HEATR4: variants seen among roughly 807,000 people sequenced by gnomAD.
The protein encoded by HEATR4 is HEAT repeat containing 4.
In HEATR4, 95 loss-of-function variants were observed where a neutral mutation model predicts 108.8. The observed-to-expected ratio is 0.87, with a 90% CI of 0.74 to 1.04. The LOEUF (loss-of-function observed/expected upper bound fraction) is 1.04, where lower values mean the gene tolerates loss of function less well. Among genes scored for constraint, HEATR4 ranks in the 50% least tolerant of loss-of-function variants. The pLI is 0.00. For synonymous variants in HEATR4, 443 were observed against 459.4 expected (o/e 0.96, Z 0.46); for missense variants, 1,152 against 1,253.8 (o/e 0.92, Z 1.23).
the HEATR4 span, among the ~76,000 whole-genome samples, chr14:73,609,492 A>G: frequency 6.6e-6 from 1 of 152,102 alleles, no homozygotes; most frequent in Non-Finnish European, 1.5e-5. Flanking sequence ...TAGGTCCTCT[A>G]TGAAATTTTT....
chr14:73,486,827 T>C (rs529833514), intron 17 of HEATR4, among the ~76,000 whole-genome samples: 1 of 152,306 alleles, frequency 6.6e-6, no homozygotes, highest in African/African-American at 2.4e-5. Flanking sequence ...AATGATGGGA[T>C]GAATTTTGAT....
At chr14:73,501,113 TTTTA>T (rs2140262325) in intron 11 of HEATR4, among the ~76,000 whole-genome samples, 1 of 152,286 alleles carries the variant, frequency 6.6e-6, no homozygotes, top group African/African-American at 2.4e-5. Flanking sequence ...TTTAAATTAT[TTTTA>T]TTTATTTTAT....
chr14:73,491,160 C>T (rs1885697128), intron 17 of HEATR4: 1 of 1,605,530 alleles, frequency 6.2e-7, no homozygotes, highest in Middle Eastern at 1.7e-4. Flanking sequence ...AGTGTTGTAT[C>T]CCGCATGGCA....
At chr14:73,479,731 C>T (rs1187396900) in intron 17 of HEATR4, among the ~76,000 whole-genome samples, 2 of 152,036 alleles carry the variant, frequency 1.3e-5, no homozygotes, top group African/African-American at 2.4e-5. Flanking sequence ...CTCCCGGCCA[C>T]GCCCAGCTAA....
At chr14:73,508,514 C>T (rs1012216669) in intron 8 of HEATR4, among the ~76,000 whole-genome samples, 1 of 152,058 alleles carries the variant, frequency 6.6e-6, no homozygotes, top group Admixed American at 6.5e-5. Flanking sequence ...TTTGGGAGGC[C>T]AAGGTGGGCG....
In HEATR4 at chr14:73,512,084, C is replaced by T. The variant is rs770948863; in HGVS notation, c.1480G>A (p.Val494Ile). The part of the protein sequence containing the change: ...LQSLGDLHDD[V>I]RIKAITTCAT... ...CATGTGGTGATAGCTTTGATCCGAA[C>T]GTCATCATGCAGGTCTCCCAAGCTC... The change falls in exon 7 of 18, where the codon GTT becomes ATT. Residue 494 changes from valine to isoleucine, a missense_variant. Val to Ile is a conservative substitution (Grantham distance 29). Transcript: ENST00000553558. The T allele has an allele frequency of 3.7e-6, 6 of 1,614,054 alleles. No individual in the cohort carries two copies. Among genetic ancestry groups the T allele is most frequent in the African/African-American group, 2.7e-5 (2 of 74,898 alleles).
At chr14:73,607,169 G>A in the HEATR4 span, among the ~76,000 whole-genome samples, 1 of 152,112 alleles carries the variant, frequency 6.6e-6, no homozygotes, top group African/African-American at 2.4e-5. Flanking sequence ...AATTAGCTGG[G>A]TGTCATGGCA....
In HEATR4 at chr14:73,509,483, A is replaced by G; in HGVS notation, c.1559-10T>C. The stretch of plus-strand genomic sequence containing the variant: ...TCCTGGATGGTCTTGTCTGTGATCA[A>G]AAGAGCCAGGTAAGAGAGTACTAGC... On this transcript the variant is annotated splice_polypyrimidine_tract_variant and intron_variant, in intron 7 of 17. Coordinates refer to ENST00000553558, the MANE Select transcript of HEATR4 (RefSeq NM_001220484.1). 4 of 1,613,480 alleles carry G rather than the reference A, an allele frequency of 2.5e-6. No homozygotes were observed. Among genetic ancestry groups the G allele is most frequent in the Non-Finnish European group, 2.5e-6 (3 of 1,179,890 alleles).
At chr14:73,628,386 C>G in the HEATR4 span, among the ~76,000 whole-genome samples, 7 of 152,306 alleles carry the variant, frequency 4.6e-5, no homozygotes, top group Middle Eastern at 6.8e-3. Flanking sequence ...AAGCAATCCT[C>G]CCATCTCAGC....
chr14:73,516,197 G>C (rs1288164509), intron 5 of HEATR4, among the ~76,000 whole-genome samples: 1 of 45,918 alleles, frequency 2.2e-5, no homozygotes, highest in Non-Finnish European at 3.2e-5. Flanking sequence ...CTCCAGGGCA[G>C]TTTAGCAAAG....
chr14:73,572,175 C>CCAGTG, the HEATR4 span, among the ~76,000 whole-genome samples: 1 of 20,522 alleles, frequency 4.9e-5, no homozygotes, highest in African/African-American at 5.0e-4. Flanking sequence ...TTATAAGAGG[C>CCAGTG]CAGATGAGCA....
At chr14:73,501,032 C>T (rs990547014) in intron 11 of HEATR4, among the ~76,000 whole-genome samples, 4 of 152,256 alleles carry the variant, frequency 2.6e-5, no homozygotes, top group Admixed American at 2.6e-4. Flanking sequence ...CCATTGCCCT[C>T]ACGTGTGCCA....
the HEATR4 span, chr14:73,617,339 G>A: frequency 0.021 from 23,478 of 1,108,254 alleles, 318 homozygotes; most frequent in Middle Eastern, 0.04. Context: ...TGGAAGCTGG[G>A]CATGGTGATG....
At chr14:73,510,417 C>T (rs1044413599) in intron 7 of HEATR4, among the ~76,000 whole-genome samples, 3 of 150,088 alleles carry the variant, frequency 2.0e-5, no homozygotes, top group African/African-American at 7.4e-5. Flanking sequence ...TCCCTGTTGG[C>T]TGGAGTTTTT....
intron 2 of HEATR4, among the ~76,000 whole-genome samples, chr14:73,524,782 C>T (rs1888226088): frequency 6.6e-6 from 1 of 151,776 alleles, no homozygotes. Context: ...AGGTAGGCCT[C>T]CTTATGTGTA....
the HEATR4 span, chr14:73,569,669 C>A: frequency 6.2e-7 from 1 of 1,608,230 alleles, no homozygotes. Flanking sequence ...TGGGGCTGCT[C>A]TGGGCCTTGG....
At chr14:73,588,731 A>G in the HEATR4 span, among the ~76,000 whole-genome samples, 1 of 152,274 alleles carries the variant, frequency 6.6e-6, no homozygotes, top group African/African-American at 2.4e-5. Context: ...CCATTGGATC[A>G]ATCAAATGTT....
At position 73,537,848 on chromosome 14, in the gene HEATR4, C is replaced by A. The variant is rs1449777971; in HGVS notation, c.-151-7604G>T. 5.8e-6 allele frequency: 7 copies of A among 1,205,430 alleles called. 3 individuals carry two copies. The African/African-American group carries it at 7.9e-5, about 14-fold the overall frequency. 74.7% of individuals were successfully genotyped at this position (1,205,430 alleles called of 1,614,324 possible). On this transcript the variant is annotated intron_variant, in intron 1 of 17. Coordinates refer to ENST00000553558, the MANE Select transcript of HEATR4 (RefSeq NM_001220484.1). ...GCGGCGCGAGCCGGTGCGCGCGGGCCGGGTGCGAGGCACGCTCTTCCTGCC... is the reference window on the plus strand; with the variant it reads ...GCGGCGCGAGCCGGTGCGCGCGGGCAGGGTGCGAGGCACGCTCTTCCTGCC...
rs775347915 is a variant in HEATR4 at position 73,492,935 on chromosome 14, C to CT, written c.2844+130dup. 1.7e-5 allele frequency: 28 copies of CT among 1,611,954 alleles called. No individual in the cohort carries two copies. In the South Asian group the frequency reaches 3.1e-4, roughly 18 times the overall value. ...GCTGCTCACTAAGATGCCTCTAGCCCTAAATTAGTTTCTTGTTGATTGCTG... is the reference window on the plus strand; with the variant it reads ...GCTGCTCACTAAGATGCCTCTAGCCCTTAAATTAGTTTCTTGTTGATTGCTG... On this transcript the variant is annotated intron_variant, in intron 17 of 17. Transcript: ENST00000553558. This position sits in a 1 kb window ranked among gnomAD's most constrained non-coding sequence, Gnocchi z 4.9.
Sources: gnomAD v4.1 joint callset for allele counts (sites outside exome capture counted in the v4.1 genomes callset) on GRCh38, gnomAD v4.1.1 for gene constraint, Gnocchi (gnomAD v3.1) non-coding constraint, MANE v1.5 for transcripts, NCBI Gene and HGNC (gene_info 2026-07-23, HGNC 2026-07-21) for gene names.